RBM27: variants seen among roughly 807,000 people sequenced by gnomAD.
RBM27 encodes RNA-binding protein 27.
A neutral mutation model predicts 135.3 loss-of-function variants in RBM27; 22 were observed. The ratio of observed to expected loss-of-function variants is 0.16; its 90% CI spans 0.12 to 0.23. The LOEUF is 0.23. RBM27 is among the 10% of genes least tolerant of loss of function. RBM27 has a pLI of 1.00. For synonymous variants in RBM27, 481 were observed against 442.4 expected (o/e 1.09, Z -1.10); for missense variants, 1,009 against 1,281.0 (o/e 0.79, Z 3.24).
chr5:146,263,628 C>T lies in RBM27; in HGVS notation c.2328C>T (p.Cys776=). Residue 776 remains cysteine, a synonymous_variant, in exon 14 of 21, where the codon TGC becomes TGT. Coordinates refer to ENST00000265271, the MANE Select transcript of RBM27 (RefSeq NM_018989.2). ...AGTCTGGTGGTGCTGGAGAAGATTG[C>T]CAGGTATGCATTTTTGGGAGCTTCA... ...LNQSGGAGED[C]QIFSTPGHPK... The T allele has an allele frequency of 1.2e-6, 2 of 1,612,930 alleles. No individual in the cohort carries two copies. The highest frequency in any genetic ancestry group is 4.5e-5 in the East Asian group (2 of 44,860).
chr5:146,203,658 G>A lies in RBM27; in HGVS notation c.-108G>A. 9.6e-7 allele frequency: 1 copy of A among 1,038,176 alleles called. No individual in the cohort carries two copies. The highest frequency in any genetic ancestry group is 2.7e-5 in the East Asian group (1 of 37,502). The allele number at this position is 1,038,176 out of a possible 1,614,324, so 64.3% of individuals were successfully genotyped here. A position where few individuals can be genotyped will look rare whatever the true frequency, so the allele number is the denominator to read the frequency against. ...TAGGTTGAAGTCTCCTAAGATGCCC[G>A]GTGGGCTGGGGCACCGGGAGCTGTG... On this transcript the variant is annotated 5_prime_UTR_variant, in exon 1 of 21. Coordinates refer to ENST00000265271, the MANE Select transcript of RBM27 (RefSeq NM_018989.2).
chr5:146,251,791 G>C lies in RBM27; in HGVS notation c.1360G>C (p.Ala454Pro), dbSNP rs749839719. 1 of 1,613,694 alleles carries C rather than the reference G, an allele frequency of 6.2e-7. No homozygotes were observed. The highest frequency in any genetic ancestry group is 8.5e-7 in the Non-Finnish European group (1 of 1,179,620). Residue 454 changes from alanine (A) to proline (P), a missense_variant, in exon 9 of 21, where the codon GCT becomes CCT. Around this residue, in one of 6 missense-constraint regions of RBM27, gnomAD observed 329 missense variants for 368.1 expected, o/e 0.89. Coordinates refer to ENST00000265271, the MANE Select transcript of RBM27 (RefSeq NM_018989.2). ...QLGTPPPLLA[A>P]RLVPPRNLMG... ...GGGGACACCGCCTCCTCTGTTGGCA[G>C]CTCGTTTGGTGCCACCTCGAAACCT... is the stretch of plus-strand genomic sequence containing the variant.
At chr5:146,242,708 C>A (rs960037244) in intron 8 of RBM27, among the ~76,000 whole-genome samples, 4 of 152,082 alleles carry the variant, frequency 2.6e-5, no homozygotes, top group African/African-American at 9.7e-5. Flanking sequence ...ATTCTTCTGC[C>A]GGAGCTTCCC....
chr5:146,231,007 G>T, intron 6 of RBM27, 90 bp downstream of exon 6: 1 of 1,363,160 alleles, frequency 7.3e-7, no homozygotes. Flanking sequence ...TTATAGTCCA[G>T]TTTATTTTAT....
intron 1 of RBM27, among the ~76,000 whole-genome samples, chr5:146,217,744 TTTTGTTTG>T (rs775930266): frequency 1.5e-4 from 23 of 151,906 alleles, no homozygotes; most frequent in African/African-American, 3.9e-4. Flanking sequence ...ATTCTGAATT[TTTTGTTTG>T]TTTGTTTGTT....
intron 11 of RBM27, among the ~76,000 whole-genome samples, chr5:146,259,278 G>A (rs1758257402): frequency 6.6e-6 from 1 of 151,992 alleles, no homozygotes; most frequent in African/African-American, 2.4e-5. Context: ...CTCTTTGGGA[G>A]GCCAAGGCGG....
At chr5:146,263,399 T>A (rs959081817) in intron 13 of RBM27, 92 bp from the exon 14 acceptor site, 2 of 1,295,858 alleles carry the variant, frequency 1.5e-6, no homozygotes, top group Admixed American at 2.4e-5. Flanking sequence ...CATTTTCTTA[T>A]CTTCTTCCCT....
Position 146,261,778 on chromosome 5 carries a change from C to G in RBM27, c.2162C>G (p.Pro721Arg). 6.2e-7 allele frequency: 1 copy of G among 1,614,220 alleles called. No homozygotes were observed. The highest frequency in any genetic ancestry group is 8.5e-7 in the Non-Finnish European group (1 of 1,180,044). Residue 721 changes from proline to arginine, a missense_variant, in exon 13 of 21, where the codon CCT (proline) becomes CGT (arginine). Coordinates refer to ENST00000265271, the MANE Select transcript of RBM27 (RefSeq NM_018989.2). ...QQQVLVAQSA[P>R]STVHGGIQKM... is the part of the protein sequence containing the mutation. ...CAGGTGCTAGTGGCCCAGTCTGCTC[C>G]TTCAACAGTGCACGGAGGTATCCAG...
chr5:146,208,176 C>G (rs1433505088), intron 1 of RBM27, among the ~76,000 whole-genome samples: 2 of 151,678 alleles, frequency 1.3e-5, no homozygotes, highest in African/African-American at 4.8e-5. Context: ...AGGCTGGTCT[C>G]AAACCCCTGA....
chr5:146,256,672 C>T (rs1758119636), intron 10 of RBM27, among the ~76,000 whole-genome samples: 1 of 151,956 alleles, frequency 6.6e-6, no homozygotes, highest in South Asian at 2.1e-4. Context: ...ATTATTGTCT[C>T]TCATATTTCT....
intron 3 of RBM27, among the ~76,000 whole-genome samples, chr5:146,228,282 CTTTTTTTTTTT>C (rs1043361050): frequency 2.7e-5 from 3 of 111,858 alleles, no homozygotes; most frequent in South Asian, 5.0e-4. Context: ...ACCATTCTTT[CTTTTTTTTTTT>C]TTTTTTTTTG....
intron 1 of RBM27, among the ~76,000 whole-genome samples, chr5:146,216,396 AATTGTATGT>A (rs1477779222): frequency 1.3e-5 from 2 of 152,160 alleles, no homozygotes; most frequent in African/African-American, 2.4e-5. Flanking sequence ...TATTAATAAA[AATTGTATGT>A]ATTTAAGGTG....
Position 146,284,700 on chromosome 5 carries a change from A to C in RBM27, c.3067A>C (p.Thr1023Pro). The change falls in exon 20 of 21, where the codon ACT becomes CCT. Residue 1023 changes from threonine (T) to proline (P), a missense_variant. Physicochemically the swap from Thr to Pro is conservative, Grantham distance 38 (BLOSUM62 -1). Transcript: ENST00000265271. ...CAAGCCCAAGGTACCATCTATATCC[A>C]CTGAGACTGAAGAAGAAGAAGTCAA... ...WHKPKVPSIS[T>P]ETEEEEVKEE... The C allele has an allele frequency of 6.2e-7, 1 of 1,612,244 alleles. No homozygotes were observed. The highest frequency in any genetic ancestry group is 8.5e-7 in the Non-Finnish European group (1 of 1,178,920).
rs568225305 is a variant in RBM27 at position 146,216,511 on chromosome 5, G to T, written c.60-2474G>T. Among the ~76,000 whole-genome samples, 3 of 152,050 alleles carry T rather than the reference G, an allele frequency of 2.0e-5. No individual in the cohort carries two copies. In the East Asian group the frequency reaches 5.8e-4, roughly 29 times the overall value. On this transcript the variant is annotated intron_variant, in intron 1 of 20. Coordinates refer to ENST00000265271, the MANE Select transcript of RBM27 (RefSeq NM_018989.2). Reference sequence around the variant, plus strand: ...ATATAGCTGTCTTTTTTTGTGTGGTGAGAACACTTAAGATCTACTCTCTTA... The same window carrying T: ...ATATAGCTGTCTTTTTTTGTGTGGTTAGAACACTTAAGATCTACTCTCTTA...
intron 10 of RBM27, among the ~76,000 whole-genome samples, chr5:146,255,324 A>ATT (rs1308288981): frequency 3.3e-5 from 5 of 152,170 alleles, no homozygotes; most frequent in Admixed American, 2.6e-4. Flanking sequence ...AATCATACTA[A>ATT]TATTATTTAA....
At chr5:146,251,663 A>G in intron 8 of RBM27, 48 bp from the exon 9 acceptor site, 1 of 1,514,808 alleles carries the variant, frequency 6.6e-7, no homozygotes, top group Non-Finnish European at 9.1e-7. Flanking sequence ...ACCTAAGAGA[A>G]GCTTGTGACT....
chr5:146,204,336 T>C (rs1422754489), intron 1 of RBM27, among the ~76,000 whole-genome samples: 1 of 152,058 alleles, frequency 6.6e-6, no homozygotes, highest in Non-Finnish European at 1.5e-5. Flanking sequence ...TGTATAGCGA[T>C]TATTGGTAAG....
intron 18 of RBM27, 70 bp from the exon 19 acceptor site, chr5:146,271,413 A>G: frequency 2.1e-6 from 3 of 1,414,388 alleles, no homozygotes; most frequent in Non-Finnish European, 2.9e-6. Flanking sequence ...AAAAAAAAAA[A>G]AAGTTTTCCT....
At chr5:146,259,801 G>C (rs1446258630) in intron 11 of RBM27, among the ~76,000 whole-genome samples, 1 of 147,894 alleles carries the variant, frequency 6.8e-6, no homozygotes, top group African/African-American at 2.5e-5. Context: ...GTGAAACCCC[G>C]TGTCTACTAA....
Sources: gnomAD v4.1 joint callset for allele counts (sites outside exome capture counted in the v4.1 genomes callset) on GRCh38, gnomAD v4.1.1 for gene constraint, gnomAD v4.1.1 regional missense constraint, MANE v1.5 for transcripts, NCBI Gene and HGNC (gene_info 2026-07-23, HGNC 2026-07-21) for gene names.